ATOSA: variants seen among roughly 807,000 people sequenced by gnomAD.
ATOSA encodes atos homolog A.
the ATOSA span, among the ~76,000 whole-genome samples, chr15:52,636,036 T>A: frequency 6.9e-6 from 1 of 145,746 alleles, no homozygotes; most frequent in Admixed American, 6.9e-5. Flanking sequence ...AAATAATAAA[T>A]ATATATTATT....
At chr15:52,592,000 G>T in the ATOSA span, among the ~76,000 whole-genome samples, 272 of 152,214 alleles carry the variant, frequency 1.8e-3, 1 homozygote, top group East Asian at 0.025. Flanking sequence ...CACTAATCAA[G>T]CTCTTGACTA....
At chr15:52,658,233 C>A in the ATOSA span, 1 of 152,184 alleles carries the variant, frequency 6.6e-6, no homozygotes, top group Non-Finnish European at 1.5e-5. Flanking sequence ...ATTCTACTGG[C>A]CCTCTTTTAC....
chr15:52,672,300 G>A, the ATOSA span, among the ~76,000 whole-genome samples: 1 of 151,122 alleles, frequency 6.6e-6, no homozygotes, highest in East Asian at 1.9e-4. Context: ...AGTGAATTAT[G>A]ATTGCATCAC....
At chr15:52,697,005 T>C in the ATOSA span, among the ~76,000 whole-genome samples, 6 of 152,138 alleles carry the variant, frequency 3.9e-5, no homozygotes, top group Admixed American at 3.3e-4. Context: ...CTTCCATAAT[T>C]TGAAAATCCT....
At chr15:52,662,746 A>G in the ATOSA span, among the ~76,000 whole-genome samples, 521 of 146,968 alleles carry the variant, frequency 3.5e-3, 2 homozygotes, top group African/African-American at 0.011. Flanking sequence ...CTCCAGCCTG[A>G]GCGACAGAGC....
At chr15:52,655,865 T>C in the ATOSA span, among the ~76,000 whole-genome samples, 1 of 152,108 alleles carries the variant, frequency 6.6e-6, no homozygotes, top group African/African-American at 2.4e-5. Context: ...TTAACCTGTC[T>C]GAATCTATTT....
the ATOSA span, among the ~76,000 whole-genome samples, chr15:52,639,892 A>G: frequency 6.6e-6 from 1 of 151,026 alleles, no homozygotes; most frequent in African/African-American, 2.4e-5. Flanking sequence ...CTAGGATTAC[A>G]GGCACCCGCC....
the ATOSA span, among the ~76,000 whole-genome samples, chr15:52,705,082 T>C: frequency 6.6e-6 from 1 of 152,150 alleles, no homozygotes; most frequent in Non-Finnish European, 1.5e-5. Context: ...CTATTCACAA[T>C]AGCAAAGACT....
the ATOSA span, among the ~76,000 whole-genome samples, chr15:52,615,646 T>TG: frequency 6.6e-6 from 1 of 152,322 alleles, no homozygotes; most frequent in East Asian, 1.9e-4. Context: ...TTGAAGGGTA[T>TG]GATGAAGAAT....
chr15:52,623,977 G>A, the ATOSA span, among the ~76,000 whole-genome samples: 1 of 152,152 alleles, frequency 6.6e-6, no homozygotes, highest in Non-Finnish European at 1.5e-5. Flanking sequence ...GGCACAAATG[G>A]TAGGAGATTC....
chr15:52,700,369 A>G, the ATOSA span, among the ~76,000 whole-genome samples: 1 of 152,194 alleles, frequency 6.6e-6, no homozygotes, highest in Non-Finnish European at 1.5e-5. Flanking sequence ...GTTCAAAACT[A>G]GTATCTAAGT....
At chr15:52,624,276 C>G in the ATOSA span, among the ~76,000 whole-genome samples, 1 of 152,196 alleles carries the variant, frequency 6.6e-6, no homozygotes, top group Non-Finnish European at 1.5e-5. Context: ...ACTTCCTCCT[C>G]TCCTTTCCAC....
the ATOSA span, chr15:52,600,167 G>A: frequency 5.0e-6 from 8 of 1,610,626 alleles, no homozygotes; most frequent in Non-Finnish European, 6.8e-6. Flanking sequence ...TATAGGTGGA[G>A]CACTAGAACT....
At chr15:52,620,447 G>A in the ATOSA span, among the ~76,000 whole-genome samples, 1 of 152,112 alleles carries the variant, frequency 6.6e-6, no homozygotes, top group Non-Finnish European at 1.5e-5. Context: ...TCTTGATTTA[G>A]GAAAAAAGCA....
At chr15:52,591,597 C>A in the ATOSA span, among the ~76,000 whole-genome samples, 1 of 152,120 alleles carries the variant, frequency 6.6e-6, no homozygotes, top group African/African-American at 2.4e-5. Context: ...TTACTATATG[C>A]CAGTAAAAGG....
chr15:52,593,600 T>C, the ATOSA span: 1 of 1,573,288 alleles, frequency 6.4e-7, no homozygotes, highest in Non-Finnish European at 8.6e-7. Context: ...GGGAGCATTG[T>C]CATCTGAAAC....
the ATOSA span, among the ~76,000 whole-genome samples, chr15:52,603,536 A>T: frequency 1.3e-5 from 2 of 152,202 alleles, no homozygotes; most frequent in African/African-American, 2.4e-5. Context: ...CTGCACTCCA[A>T]TGTTTAGTGC....
At chr15:52,608,173 G>A in the ATOSA span, among the ~76,000 whole-genome samples, 1 of 152,100 alleles carries the variant, frequency 6.6e-6, no homozygotes, top group African/African-American at 2.4e-5. Context: ...TATAGGCTGT[G>A]AGCCATTGTG....
chr15:52,589,224 T>A, the ATOSA span, among the ~76,000 whole-genome samples: 1 of 152,264 alleles, frequency 6.6e-6, no homozygotes, highest in South Asian at 2.1e-4. Context: ...CCTACGTGCC[T>A]AATGAGGTAC....
Sources: allele counts gnomAD v4.1 joint callset (sites outside exome capture counted in the v4.1 genomes callset), GRCh38; gene constraint gnomAD v4.1.1; transcripts MANE v1.5; gene names NCBI Gene and HGNC (gene_info 2026-07-23, HGNC 2026-07-21).